OR51A4: variants seen among roughly 807,000 people sequenced by gnomAD.
OR51A4 encodes olfactory receptor family 51 subfamily A member 4, also known as olfactory receptor 51A4.
For synonymous variants in OR51A4, 96 were observed against 141.5 expected (o/e 0.68, Z 2.28); for missense variants, 243 against 364.0 (o/e 0.67, Z 2.70).
Position 4,946,096 on chromosome 11 carries a change from G to T in OR51A4, c.*63C>A. On this transcript the variant is annotated 3_prime_UTR_variant, in exon 2 of 2. Coordinates refer to ENST00000641898, the MANE Select transcript of OR51A4 (RefSeq NM_001005329.2). The stretch of plus-strand genomic sequence containing the variant: ...GATAATTCTTGGTGTCAAATATTAG[G>T]TTTCTCAAATTTACCTTAAATATCT... The T allele has an allele frequency of 6.3e-6, 9 of 1,418,014 alleles. No individual in the cohort carries two copies. In the South Asian group the frequency reaches 1.1e-4, roughly 18 times the overall value. 87.8% of individuals were successfully genotyped at this position (1,418,014 alleles called of 1,614,324 possible).
In OR51A4 at chr11:4,943,226, T is replaced by C. The variant is rs1846242058; in HGVS notation, c.*2933A>G. 5.4e-6 allele frequency: 1 copy of C among 185,466 alleles called. No homozygotes were observed. The highest frequency in any genetic ancestry group is 1.1e-5 in the Non-Finnish European group (1 of 87,888). 11.5% of individuals were successfully genotyped at this position (185,466 alleles called of 1,614,324 possible). ...CAATAAGAAGACTTACTAGAATCTTTTTAAAAAGTATTTGAACTTGCCTTT... is the reference window on the plus strand; with the variant it reads ...CAATAAGAAGACTTACTAGAATCTTCTTAAAAAGTATTTGAACTTGCCTTT... On this transcript the variant is annotated 3_prime_UTR_variant, in exon 2 of 2. Transcript: ENST00000641898.
chr11:4,943,070 C>G lies in OR51A4; in HGVS notation c.*3089G>C, dbSNP rs149118198. On this transcript the variant is annotated 3_prime_UTR_variant, in exon 2 of 2. Transcript: ENST00000641898. ...TCTCTCCACCTAATTCACATATTCTCTGCTTGGACTAAATGATGCTCCCCT... is the reference window on the plus strand; with the variant it reads ...TCTCTCCACCTAATTCACATATTCTGTGCTTGGACTAAATGATGCTCCCCT... The G allele has an allele frequency of 6.7e-3, 1,081 of 160,214 alleles. 15 individuals carry two copies. Among genetic ancestry groups the G allele is most frequent in the African/African-American group, 0.023 (940 of 41,646 alleles). The allele number at this position is 160,214 out of a possible 1,614,324, so 9.9% of individuals were successfully genotyped here. A position where few individuals can be genotyped will look rare whatever the true frequency, so the allele number is the denominator to read the frequency against.
In OR51A4 at chr11:4,945,971, G is replaced by A; in HGVS notation, c.*188C>T. 1 of 611,386 alleles carries A rather than the reference G, an allele frequency of 1.6e-6. No individual in the cohort carries two copies. The highest frequency in any genetic ancestry group is 2.0e-5 in the South Asian group (1 of 48,818). The allele number at this position is 611,386 out of a possible 1,614,324, so 37.9% of individuals were successfully genotyped here. A position where few individuals can be genotyped will look rare whatever the true frequency, so the allele number is the denominator to read the frequency against. ...TATTTTTATTCTGCTTAACTGAAAT[G>A]GGGACATAAGGCAACGTACTTCCTG... On this transcript the variant is annotated 3_prime_UTR_variant, in exon 2 of 2. Transcript: ENST00000641898.
Position 4,944,099 on chromosome 11 carries a change from T to G in OR51A4, c.*2060A>C. Reference sequence around the variant, plus strand: ...TGTACTACAACCCCAAACCCATATCTGTATTTGTAAGGTTTTGGAAAAGGT... The same window carrying G: ...TGTACTACAACCCCAAACCCATATCGGTATTTGTAAGGTTTTGGAAAAGGT... On this transcript the variant is annotated 3_prime_UTR_variant, in exon 2 of 2. Coordinates refer to ENST00000641898, the MANE Select transcript of OR51A4 (RefSeq NM_001005329.2). The G allele has an allele frequency of 2.2e-6, 1 of 455,174 alleles. No homozygotes were observed. The highest frequency in any genetic ancestry group is 1.6e-5 in the South Asian group (1 of 64,238). 28.2% of individuals were successfully genotyped at this position (455,174 alleles called of 1,614,324 possible).
rs1395573092 is a variant in OR51A4 at position 4,947,178 on chromosome 11, A to G, written c.-62-16T>C. ...ATAGGAATATCTGTAAATTTAGTAG[A>G]AAAAAAGCAGTGTTAAAATTTGTGG... On this transcript the variant is annotated splice_polypyrimidine_tract_variant and intron_variant, in intron 1 of 1. Coordinates refer to ENST00000641898, the MANE Select transcript of OR51A4 (RefSeq NM_001005329.2). The G allele has an allele frequency of 4.6e-5, 46 of 1,007,788 alleles. 4 individuals carry two copies. The African/African-American group carries it at 7.2e-4, about 16-fold the overall frequency. The allele number at this position is 1,007,788 out of a possible 1,614,324, so 62.4% of individuals were successfully genotyped here. A position where few individuals can be genotyped will look rare whatever the true frequency, so the allele number is the denominator to read the frequency against.
At position 4,946,372 on chromosome 11, in the gene OR51A4, A is replaced by C. The variant is rs543930237; in HGVS notation, c.729T>G (p.Val243=). 2 of 1,613,668 alleles carry C rather than the reference A, an allele frequency of 1.2e-6. No individual in the cohort carries two copies. Among genetic ancestry groups the C allele is most frequent in the Non-Finnish European group, 1.7e-6 (2 of 1,179,902 alleles). Residue 243 remains valine (V), a synonymous_variant, in exon 2 of 2, where the codon GTT becomes GTG. Coordinates refer to ENST00000641898, the MANE Select transcript of OR51A4 (RefSeq NM_001005329.2). ...AGATGATCACTGCACAGATGTGTGA[A>C]ACACAAGTATTGAGAGCCTTAAGCT... ...KEQLKALNTC[V]SHICAVIIFY... is the part of the protein sequence containing the mutation.
At position 4,943,859 on chromosome 11, in the gene OR51A4, T is replaced by C; in HGVS notation, c.*2300A>G. On this transcript the variant is annotated 3_prime_UTR_variant, in exon 2 of 2. Transcript: ENST00000641898. ...TTTTCATTTCATTTTATTAAGACTG[T>C]CAAAAACCCCTAAAATACAGATGAT... 2.2e-6 allele frequency: 1 copy of C among 450,068 alleles called. No homozygotes were observed. The highest frequency in any genetic ancestry group is 4.5e-6 in the Non-Finnish European group (1 of 224,376). The allele number at this position is 450,068 out of a possible 1,614,324, so 27.9% of individuals were successfully genotyped here.
chr11:4,942,893 A>G lies in OR51A4; in HGVS notation c.*3266T>C, dbSNP rs1846235213. 1 of 152,232 alleles carries G rather than the reference A, an allele frequency of 6.6e-6. No homozygotes were observed. Among genetic ancestry groups the G allele is most frequent in the Non-Finnish European group, 1.5e-5 (1 of 68,052 alleles). The allele number at this position is 152,232 out of a possible 1,614,324, so 9.4% of individuals were successfully genotyped here. The stretch of plus-strand genomic sequence containing the variant: ...ATTAAATGGATTGGGTTGATTGTAC[A>G]CAATTCAATATATTAAAGAATATTT... On this transcript the variant is annotated 3_prime_UTR_variant, in exon 2 of 2. Transcript: ENST00000641898.
In OR51A4 at chr11:4,946,926, C is replaced by A; in HGVS notation, c.175G>T (p.Glu59Ter). 6.2e-7 allele frequency: 1 copy of A among 1,606,554 alleles called. No individual in the cohort carries two copies. Among genetic ancestry groups the A allele is most frequent in the South Asian group, 1.1e-5 (1 of 90,860 alleles). Residue 59 changes from glutamate to a stop codon, truncating the protein, a stop_gained, in exon 2 of 2, where the codon GAG becomes TAG. Coordinates refer to ENST00000641898, the MANE Select transcript of OR51A4 (RefSeq NM_001005329.2). LOFTEE classifies it low-confidence loss of function (END_TRUNC). ...FIIKTEPSLH[E>*]PMYYFLSMLA... ...ATGGAAAGAAAATAGTACATGGGCT[C>A]ATGCAAGGAGGGCTCTGTCTTGATG...
chr11:4,943,409 G>A lies in OR51A4; in HGVS notation c.*2750C>T. On this transcript the variant is annotated 3_prime_UTR_variant, in exon 2 of 2. Transcript: ENST00000641898. Reference sequence around the variant, plus strand: ...TGGTATCAGATTGCCCCTAGGTGCTGTGTAGGTGAGCTCAAGGTAATTTGT... The same window carrying A: ...TGGTATCAGATTGCCCCTAGGTGCTATGTAGGTGAGCTCAAGGTAATTTGT... The A allele has an allele frequency of 2.2e-6, 1 of 453,498 alleles. No individual in the cohort carries two copies. Among genetic ancestry groups the A allele is most frequent in the South Asian group, 1.6e-5 (1 of 64,142 alleles). 28.1% of individuals were successfully genotyped at this position (453,498 alleles called of 1,614,324 possible).
rs1589946616 is a variant in OR51A4, at chr11:4,943,744, T to C, written c.*2415A>G. 6 of 364,762 alleles carry C rather than the reference T, an allele frequency of 1.6e-5. 1 individual carries two copies. The highest frequency in any genetic ancestry group is 1.0e-4 in the Admixed American group (3 of 29,056). The allele number at this position is 364,762 out of a possible 1,614,324, so 22.6% of individuals were successfully genotyped here. A position where few individuals can be genotyped will look rare whatever the true frequency, so the allele number is the denominator to read the frequency against. ...GTTGAGATTTTAATCCTCCAAAAACTACATTCTTCATTTCAGAAATATGTG... is the reference window on the plus strand; with the variant it reads ...GTTGAGATTTTAATCCTCCAAAAACCACATTCTTCATTTCAGAAATATGTG... On this transcript the variant is annotated 3_prime_UTR_variant, in exon 2 of 2. Transcript: ENST00000641898.
Position 4,947,328 on chromosome 11 carries a change from A to T in OR51A4, c.-62-166T>A, listed in dbSNP as rs1846327937. On this transcript the variant is annotated intron_variant, in intron 1 of 1. Coordinates refer to ENST00000641898, the MANE Select transcript of OR51A4 (RefSeq NM_001005329.2). ...TACATTGGAAAAATTATTTCTGGAC[A>T]TGTTATTTCTATAGAGAATCCAGAT... Among the ~76,000 whole-genome samples the T allele has an allele frequency of 4.0e-5, 5 of 125,068 alleles. 2 individuals are homozygous for T. In the South Asian group the frequency reaches 1.2e-3, roughly 30 times the overall value. 82.0% of individuals were successfully genotyped at this position (125,068 alleles called of 152,430 possible).
rs186167529 is a variant in OR51A4 at position 4,943,885 on chromosome 11, C to G, written c.*2274G>C. On this transcript the variant is annotated 3_prime_UTR_variant, in exon 2 of 2. Transcript: ENST00000641898. ...CAAAAACCCCTAAAATACAGATGAT[C>G]TTTGATACTCTTTTATGTGACATCT... The G allele has an allele frequency of 6.7e-5, 30 of 445,520 alleles. 1 individual carries two copies. In the Middle Eastern group the frequency reaches 6.7e-3, roughly 100 times the overall value. The allele number at this position is 445,520 out of a possible 1,614,324, so 27.6% of individuals were successfully genotyped here.
rs1385559790 is a variant in OR51A4, at chr11:4,943,313, T to C, written c.*2846A>G. 1 of 315,880 alleles carries C rather than the reference T, an allele frequency of 3.2e-6. No individual in the cohort carries two copies. The highest frequency in any genetic ancestry group is 2.7e-5 in the South Asian group (1 of 36,368). 19.6% of individuals were successfully genotyped at this position (315,880 alleles called of 1,614,324 possible). A position where few individuals can be genotyped will look rare whatever the true frequency, so the allele number is the denominator to read the frequency against. ...ACTTTCATGTGTGATTAATAAGTCTTTTAACATCTCTCAAGTGAAGTCTTT... is the reference window on the plus strand; with the variant it reads ...ACTTTCATGTGTGATTAATAAGTCTCTTAACATCTCTCAAGTGAAGTCTTT... On this transcript the variant is annotated 3_prime_UTR_variant, in exon 2 of 2. Coordinates refer to ENST00000641898, the MANE Select transcript of OR51A4 (RefSeq NM_001005329.2).
rs150732161 is a variant in OR51A4 at position 4,946,301 on chromosome 11, C to G, written c.800G>C (p.Arg267Pro). The change falls in exon 2 of 2, where the codon CGG (arginine) becomes CCG (proline). Residue 267 changes from arginine to proline, a missense_variant. Transcript: ENST00000641898. ...INLAVVHRFA[R>P]HVSPLINVLM... is the part of the protein sequence containing the mutation. Reference sequence around the variant, plus strand: ...AACATTAATGAGGGGAGAGACATGCCGGGCAAAGCGGTGGACAACGGCCAG... The same window carrying G: ...AACATTAATGAGGGGAGAGACATGCGGGGCAAAGCGGTGGACAACGGCCAG... The G allele has an allele frequency of 1.2e-6, 2 of 1,613,628 alleles. No homozygotes were observed. The highest frequency in any genetic ancestry group is 1.7e-6 in the Non-Finnish European group (2 of 1,179,862).
rs1239926768 is a variant in OR51A4 at position 4,945,576 on chromosome 11, A to G, written c.*583T>C. The G allele has an allele frequency of 1.3e-5, 2 of 155,124 alleles. No individual in the cohort carries two copies. The highest frequency in any genetic ancestry group is 4.8e-5 in the African/African-American group (2 of 41,456). The allele number at this position is 155,124 out of a possible 1,614,324, so 9.6% of individuals were successfully genotyped here. On this transcript the variant is annotated 3_prime_UTR_variant, in exon 2 of 2. Coordinates refer to ENST00000641898, the MANE Select transcript of OR51A4 (RefSeq NM_001005329.2). ...CAATTATAAGGCAGGGAACTTAGCA[A>G]TATTTTATGAGAGAAATGCTGGTGA...
At position 4,946,268 on chromosome 11, in the gene OR51A4, G is replaced by A; in HGVS notation, c.833C>T (p.Ala278Val). The A allele has an allele frequency of 6.2e-7, 1 of 1,613,926 alleles. No homozygotes were observed. The highest frequency in any genetic ancestry group is 1.3e-5 in the African/African-American group (1 of 74,874). The change falls in exon 2 of 2, where the codon GCA becomes GTA. Residue 278 changes from alanine to valine, a missense_variant. Physicochemically the swap from Ala to Val is moderately conservative, Grantham distance 64 (BLOSUM62 0). Coordinates refer to ENST00000641898, the MANE Select transcript of OR51A4 (RefSeq NM_001005329.2). ...TGGAGGTACAAGTAGGAGAACATTT[G>A]CCATGAGAACATTAATGAGGGGAGA... ...HVSPLINVLM[A>V]NVLLLVPPLT...
Position 4,946,933 on chromosome 11 carries a change from G to C in OR51A4, c.168C>G (p.Ser56=), listed in dbSNP as rs1846320338. 6.2e-7 allele frequency: 1 copy of C among 1,606,356 alleles called. No homozygotes were observed. The highest frequency in any genetic ancestry group is 1.4e-5 in the African/African-American group (1 of 73,010). The change falls in exon 2 of 2, where the codon TCC becomes TCG. Residue 56 remains serine (S), a synonymous_variant. Transcript: ENST00000641898. The part of the protein sequence containing the change: ...TILFIIKTEP[S]LHEPMYYFLS... The stretch of plus-strand genomic sequence containing the variant: ...GAAAATAGTACATGGGCTCATGCAA[G>C]GAGGGCTCTGTCTTGATGATAAAAA...
chr11:4,946,102 C>T lies in OR51A4; in HGVS notation c.*57G>A. ...TCTTGGTGTCAAATATTAGGTTTCT[C>T]AAATTTACCTTAAATATCTTACCAG... is the stretch of plus-strand genomic sequence containing the variant. On this transcript the variant is annotated 3_prime_UTR_variant, in exon 2 of 2. Transcript: ENST00000641898. 1 of 1,498,084 alleles carries T rather than the reference C, an allele frequency of 6.7e-7. No individual in the cohort carries two copies. Among genetic ancestry groups the T allele is most frequent in the African/African-American group, 1.4e-5 (1 of 71,942 alleles). 92.8% of individuals were successfully genotyped at this position (1,498,084 alleles called of 1,614,324 possible).
Sources: gnomAD v4.1 joint callset for allele counts (sites outside exome capture counted in the v4.1 genomes callset) on GRCh38, gnomAD v4.1.1 for gene constraint, MANE v1.5 for transcripts, NCBI Gene and HGNC (gene_info 2026-07-23, HGNC 2026-07-21) for gene names.